CPEB3: variants seen among roughly 807,000 people sequenced by gnomAD.
The protein encoded by CPEB3 is cytoplasmic polyadenylation element binding protein 3.
CPEB3 carries 20 observed loss-of-function variants against 67.2 expected under a neutral mutation model. The observed-to-expected ratio is 0.30, with a 90% CI of 0.21 to 0.43. The LOEUF is 0.43. CPEB3 is among the 20% of genes least tolerant of loss of function. The pLI is 1.00. For missense variants in CPEB3, 746 were observed against 968.6 expected (o/e 0.77, Z 3.05); for synonymous variants, 376 against 393.1 (o/e 0.96, Z 0.51).
chr10:92,152,260 G>C (rs1214927291), intron 4 of CPEB3, among the ~76,000 whole-genome samples: 1 of 151,952 alleles, frequency 6.6e-6, no homozygotes, highest in Non-Finnish European at 1.5e-5. Context: ...TCACACAATT[G>C]ATCCATTTAA....
chr10:92,186,031 C>T (rs1848672267), intron 3 of CPEB3, among the ~76,000 whole-genome samples: 2 of 151,708 alleles, frequency 1.3e-5, no homozygotes, highest in Non-Finnish European at 2.9e-5. Context: ...ATATTTTGTG[C>T]CTCTGTTTCC....
At chr10:92,226,545 A>G (rs1850983820) in intron 2 of CPEB3, among the ~76,000 whole-genome samples, 1 of 152,206 alleles carries the variant, frequency 6.6e-6, no homozygotes, top group Non-Finnish European at 1.5e-5. Flanking sequence ...AATATTTACC[A>G]TGTGCCCAAA....
Position 92,239,314 on chromosome 10 carries a change from G to A in CPEB3, c.1005+32C>T, listed in dbSNP as rs377576745. The A allele has an allele frequency of 5.7e-6, 9 of 1,589,060 alleles. No homozygotes were observed. In the South Asian group the frequency reaches 5.7e-5, roughly 10 times the overall value. On this transcript the variant is annotated intron_variant, in intron 2 of 9. Coordinates refer to ENST00000265997, the MANE Select transcript of CPEB3 (RefSeq NM_014912.5). The surrounding 1 kb of genome is among the most constrained non-coding windows in gnomAD (Gnocchi z 6.0). ...AAGTGGCAAAAGGAGCGGGGCAGAG[G>A]GAAGGAGTGTGTAGGTGCAGCAGAG...
chr10:92,121,105 T>C (rs1453022788), intron 6 of CPEB3, among the ~76,000 whole-genome samples: 1 of 151,530 alleles, frequency 6.6e-6, no homozygotes, highest in African/African-American at 2.4e-5. Context: ...ACCTCCTGGG[T>C]TCAAGAGATT....
intron 2 of CPEB3, among the ~76,000 whole-genome samples, chr10:92,226,332 C>T (rs1850973653): frequency 6.6e-6 from 1 of 152,150 alleles, no homozygotes; most frequent in South Asian, 2.1e-4. Context: ...TGTTTTAGAC[C>T]TTATCATTCT....
At chr10:92,150,936 C>T (rs1220977134) in intron 4 of CPEB3, among the ~76,000 whole-genome samples, 1 of 152,194 alleles carries the variant, frequency 6.6e-6, no homozygotes, top group South Asian at 2.1e-4. Flanking sequence ...TCAAATGCTG[C>T]AAGTTGGCCA....
intron 4 of CPEB3, among the ~76,000 whole-genome samples, chr10:92,159,973 C>T (rs114583537): frequency 0.016 from 2,393 of 149,560 alleles, 62 homozygotes; most frequent in African/African-American, 0.056. Flanking sequence ...GATGGAGTCT[C>T]GTTCACTCTG....
At chr10:92,256,805 T>C (rs1385956652) in intron 1 of CPEB3, among the ~76,000 whole-genome samples, 5 of 152,246 alleles carry the variant, frequency 3.3e-5, no homozygotes, top group Admixed American at 6.5e-5. Flanking sequence ...TATACAACTT[T>C]GTAAGACACA....
intron 2 of CPEB3, chr10:92,216,737 C>T: frequency 6.2e-7 from 1 of 1,608,950 alleles, no homozygotes; most frequent in Non-Finnish European, 8.5e-7. Context: ...CGAGGAGTAC[C>T]AGGAGGCTTA....
chr10:92,171,849 A>T (rs1411799724), intron 4 of CPEB3, among the ~76,000 whole-genome samples: 6 of 152,176 alleles, frequency 3.9e-5, no homozygotes, highest in Admixed American at 1.3e-4. Context: ...TCCTGACCTC[A>T]GGTGATCCAC....
chr10:92,111,974 CA>C (rs1393965491), intron 6 of CPEB3, among the ~76,000 whole-genome samples: 2 of 152,114 alleles, frequency 1.3e-5, no homozygotes, highest in African/African-American at 4.8e-5. Context: ...TGGCAGAGTA[CA>C]GTAGGTCTAG....
intron 4 of CPEB3, among the ~76,000 whole-genome samples, chr10:92,167,355 T>G (rs543850280): frequency 6.6e-6 from 1 of 152,366 alleles, no homozygotes; most frequent in South Asian, 2.1e-4. Context: ...ACATGCCTTC[T>G]TCATTAAGCT....
chr10:92,205,537 C>G (rs998233460), intron 2 of CPEB3, among the ~76,000 whole-genome samples: 1 of 127,832 alleles, frequency 7.8e-6, no homozygotes, highest in Non-Finnish European at 1.5e-5. Flanking sequence ...AGTGCAGTGG[C>G]GTGATCTTAG....
At chr10:92,206,107 G>A (rs146859773) in intron 2 of CPEB3, among the ~76,000 whole-genome samples, 158 of 144,604 alleles carry the variant, frequency 1.1e-3, no homozygotes, top group East Asian at 6.6e-3. Flanking sequence ...ACAGAGTTTC[G>A]CTGGTCCAAG....
intron 4 of CPEB3, among the ~76,000 whole-genome samples, chr10:92,162,057 C>A (rs749814322): frequency 2.2e-4 from 34 of 152,046 alleles, no homozygotes; most frequent in Non-Finnish European, 3.7e-4. Flanking sequence ...TAACAAGATA[C>A]AATATTCTTT....
chr10:92,199,296 C>T (rs1436044867), intron 2 of CPEB3, among the ~76,000 whole-genome samples: 7 of 150,090 alleles, frequency 4.7e-5, no homozygotes, highest in African/African-American at 1.7e-4. Context: ...GAGGCTGAGG[C>T]AGGAGAATCT....
intron 1 of CPEB3, among the ~76,000 whole-genome samples, chr10:92,256,079 A>C (rs2134835804): frequency 6.6e-6 from 1 of 152,312 alleles, no homozygotes; most frequent in South Asian, 2.1e-4. Flanking sequence ...CAGTGTAGTC[A>C]CACAAGTTAG....
At chr10:92,234,122 AAAG>A (rs1345683452) in intron 2 of CPEB3, among the ~76,000 whole-genome samples, 2 of 151,654 alleles carry the variant, frequency 1.3e-5, no homozygotes, top group Non-Finnish European at 2.9e-5. Context: ...AAAAAAAAAA[AAAG>A]GAGAAGGATA....
chr10:92,267,646 T>C (rs1853121131), intron 1 of CPEB3, among the ~76,000 whole-genome samples: 4 of 152,118 alleles, frequency 2.6e-5, no homozygotes, highest in Admixed American at 2.6e-4. Flanking sequence ...TTGGTTATTA[T>C]ATTATCCAGG....
Sources: gnomAD v4.1 joint callset for allele counts (sites outside exome capture counted in the v4.1 genomes callset) on GRCh38, gnomAD v4.1.1 for gene constraint, Gnocchi (gnomAD v3.1) non-coding constraint, MANE v1.5 for transcripts, NCBI Gene and HGNC (gene_info 2026-07-23, HGNC 2026-07-21) for gene names.